Variants in DOK6 observed in about 807,000 individuals in gnomAD.
DOK6 encodes the protein downstream of tyrosine kinase 6.
A neutral mutation model predicts 44.0 loss-of-function variants in DOK6; 22 were observed. The ratio of observed to expected loss-of-function variants is 0.50; its 90% CI spans 0.36 to 0.71. DOK6 has a LOEUF of 0.71. Among genes scored for constraint, DOK6 ranks in the 30% least tolerant of loss-of-function variants. The pLI, the probability that DOK6 is intolerant of heterozygous loss-of-function variation, is 0.00. For synonymous variants in DOK6, 166 were observed against 145.5 expected (o/e 1.14, Z -1.01); for missense variants, 340 against 416.4 (o/e 0.82, Z 1.60).
At chr18:69,736,725 T>A (rs1343088282) in intron 5 of DOK6, among the ~76,000 whole-genome samples, 2 of 152,218 alleles carry the variant, frequency 1.3e-5, no homozygotes, top group African/African-American at 4.8e-5. Context: ...TTGACATATT[T>A]ATTTATAATA....
intron 1 of DOK6, among the ~76,000 whole-genome samples, chr18:69,475,744 A>G (rs978898672): frequency 9.2e-5 from 14 of 152,230 alleles, no homozygotes; most frequent in Admixed American, 9.2e-4. Flanking sequence ...TCTAGTAAAC[A>G]TGCAACAACT....
At chr18:69,520,838 A>G (rs1285832159) in intron 1 of DOK6, among the ~76,000 whole-genome samples, 1 of 151,836 alleles carries the variant, frequency 6.6e-6, no homozygotes, top group East Asian at 1.9e-4. Flanking sequence ...TTTTCTTTCA[A>G]TTCAATTCAA....
At chr18:69,758,650 TAAGAA>T (rs1451088027) in intron 7 of DOK6, among the ~76,000 whole-genome samples, 1 of 152,158 alleles carries the variant, frequency 6.6e-6, no homozygotes, top group Non-Finnish European at 1.5e-5. Flanking sequence ...AACTAGAAAC[TAAGAA>T]AATAAGGCTG....
chr18:69,607,612 T>G (rs1984033505), intron 3 of DOK6, among the ~76,000 whole-genome samples: 1 of 152,214 alleles, frequency 6.6e-6, no homozygotes, highest in Admixed American at 6.5e-5. Context: ...AACAAAATTT[T>G]ACTTTTGGAG....
At chr18:69,654,635 C>G (rs1057032357) in intron 3 of DOK6, among the ~76,000 whole-genome samples, 12 of 152,088 alleles carry the variant, frequency 7.9e-5, no homozygotes, top group Non-Finnish European at 1.8e-4. Context: ...ATATCATATC[C>G]CAATATAAAC....
Position 69,563,464 on chromosome 18 carries a change from T to C in DOK6, c.67-1023T>C, listed in dbSNP as rs978206607. Among the ~76,000 whole-genome samples the C allele has an allele frequency of 2.3e-4, 35 of 152,236 alleles. 1 individual carries two copies. The highest frequency in any genetic ancestry group is 7.2e-4 in the African/African-American group (30 of 41,526). On this transcript the variant is annotated intron_variant, in intron 1 of 7. Transcript: ENST00000382713. The stretch of plus-strand genomic sequence containing the variant: ...GGCACATATACACCATGGAATACTA[T>C]GCAGCCATAAAAAATGATGAGTTCA...
intron 1 of DOK6, among the ~76,000 whole-genome samples, chr18:69,430,601 A>C (rs356011): frequency 6.6e-6 from 1 of 152,154 alleles, no homozygotes; most frequent in South Asian, 2.1e-4. Flanking sequence ...ATTGGAATAC[A>C]TACATAATTT....
At chr18:69,752,468 G>T (rs1187973955) in intron 6 of DOK6, among the ~76,000 whole-genome samples, 1 of 152,064 alleles carries the variant, frequency 6.6e-6, no homozygotes, top group Non-Finnish European at 1.5e-5. Flanking sequence ...AGTTCCAAAA[G>T]AGCAGAAATA....
At chr18:69,616,675 G>A (rs1225867363) in intron 3 of DOK6, among the ~76,000 whole-genome samples, 1 of 151,984 alleles carries the variant, frequency 6.6e-6, no homozygotes, top group Non-Finnish European at 1.5e-5. Flanking sequence ...CCTTATTTTT[G>A]TACATTAAGA....
At chr18:69,587,770 AACAC>A (rs138552349) in intron 2 of DOK6, among the ~76,000 whole-genome samples, 3 of 149,056 alleles carry the variant, frequency 2.0e-5, no homozygotes, top group Admixed American at 6.7e-5. Flanking sequence ...TGTAAATTTA[AACAC>A]ACACACACAC....
At chr18:69,803,818 C>T (rs933868522) in intron 7 of DOK6, among the ~76,000 whole-genome samples, 1 of 152,082 alleles carries the variant, frequency 6.6e-6, no homozygotes, top group Non-Finnish European at 1.5e-5. Context: ...AAGATCACAC[C>T]ACTGCACTCC....
intron 2 of DOK6, among the ~76,000 whole-genome samples, chr18:69,573,678 T>C (rs1189827448): frequency 6.6e-6 from 1 of 151,944 alleles, no homozygotes. Flanking sequence ...TTTCTGATTT[T>C]GATTTTATTT....
chr18:69,846,081 C>T lies in DOK6; in HGVS notation c.*4698C>T, dbSNP rs1227389840. The stretch of plus-strand genomic sequence containing the variant: ...TCTGCAGACCTGCCACAAATCCTTA[C>T]CTTCTTACTGAAGAATGTGACTATT... On this transcript the variant is annotated 3_prime_UTR_variant, in exon 8 of 8. Transcript: ENST00000382713. The T allele has an allele frequency of 5.3e-5, 8 of 152,220 alleles. 1 individual carries two copies. The highest frequency in any genetic ancestry group is 1.9e-4 in the African/African-American group (8 of 41,458). The allele number at this position is 152,220 out of a possible 1,614,324, so 9.4% of individuals were successfully genotyped here.
intron 1 of DOK6, among the ~76,000 whole-genome samples, chr18:69,499,352 A>G (rs1980986056): frequency 6.6e-6 from 1 of 152,136 alleles, no homozygotes; most frequent in South Asian, 2.1e-4. Context: ...TCTTGAGTCA[A>G]TCAATCAATA....
intron 5 of DOK6, among the ~76,000 whole-genome samples, chr18:69,736,517 A>G (rs1204812299): frequency 1.3e-5 from 2 of 152,220 alleles, no homozygotes; most frequent in Non-Finnish European, 2.9e-5. Context: ...TACAATTGCA[A>G]TTGTCTACAA....
intron 5 of DOK6, among the ~76,000 whole-genome samples, chr18:69,715,159 T>C (rs930494827): frequency 1.4e-4 from 21 of 152,340 alleles, no homozygotes; most frequent in African/African-American, 4.8e-4. Flanking sequence ...TTCTGCAAGA[T>C]ACTTCTCTCC....
chr18:69,447,805 T>G (rs1979339712), intron 1 of DOK6, among the ~76,000 whole-genome samples: 2 of 152,222 alleles, frequency 1.3e-5, no homozygotes, highest in Admixed American at 6.5e-5. Context: ...TATAAACAGA[T>G]ATTTTAAAAG....
At chr18:69,451,192 C>A (rs1979455527) in intron 1 of DOK6, among the ~76,000 whole-genome samples, 1 of 147,212 alleles carries the variant, frequency 6.8e-6, no homozygotes, top group Non-Finnish European at 1.5e-5. Context: ...CACACATAGG[C>A]TCAAAATAAA....
At chr18:69,646,435 T>A (rs938989944) in intron 3 of DOK6, among the ~76,000 whole-genome samples, 4 of 152,182 alleles carry the variant, frequency 2.6e-5, no homozygotes, top group Non-Finnish European at 4.4e-5. Context: ...GGGAAAAAAA[T>A]TACCAGTTAT....
Sources: gnomAD v4.1 joint callset for allele counts (sites outside exome capture counted in the v4.1 genomes callset) on GRCh38, gnomAD v4.1.1 for gene constraint, MANE v1.5 for transcripts, NCBI Gene and HGNC (gene_info 2026-07-23, HGNC 2026-07-21) for gene names.